Variants in RSU1 observed in about 807,000 individuals in gnomAD.
The protein encoded by RSU1 is rsu-1.
Under a neutral mutation model 31.1 loss-of-function variants are expected in RSU1, and 26 were observed. That is an observed-to-expected ratio of 0.84 (90% CI 0.61 to 1.16). The LOEUF is 1.16. Among genes scored for constraint, RSU1 ranks in the 50% most tolerant of loss-of-function variants. The pLI is 0.00. For synonymous variants in RSU1, 164 were observed against 136.3 expected (o/e 1.20, Z -1.41); for missense variants, 320 against 339.1 (o/e 0.94, Z 0.44).
chr10:16,760,010 A>G (rs1033784320), intron 4 of RSU1, among the ~76,000 whole-genome samples: 1 of 152,176 alleles, frequency 6.6e-6, no homozygotes, highest in African/African-American at 2.4e-5. Context: ...TCTTTATGCC[A>G]TTTGAGGACA....
intron 8 of RSU1, among the ~76,000 whole-genome samples, chr10:16,595,445 G>C (rs1283703552): frequency 6.6e-6 from 1 of 152,202 alleles, no homozygotes; most frequent in Non-Finnish European, 1.5e-5. Context: ...AGGGTTCAGA[G>C]CTGGCCAGAG....
At chr10:16,797,856 C>CTTCTTTTTT (rs1554775554) in intron 2 of RSU1, among the ~76,000 whole-genome samples, 2 of 103,512 alleles carry the variant, frequency 1.9e-5, no homozygotes, top group African/African-American at 3.4e-5. Flanking sequence ...GGGATTTCTT[C>CTTCTTTTTT]TTTTTTTTTT....
At chr10:16,810,447 C>A (rs545794592) in intron 2 of RSU1, among the ~76,000 whole-genome samples, 2 of 152,260 alleles carry the variant, frequency 1.3e-5, no homozygotes, top group East Asian at 3.9e-4. Context: ...CAACGAAAAT[C>A]CTGCTGCTGT....
intron 4 of RSU1, among the ~76,000 whole-genome samples, chr10:16,764,003 G>A (rs548369273): frequency 2.0e-5 from 3 of 152,156 alleles, no homozygotes; most frequent in South Asian, 2.1e-4. Context: ...ACGGCACGAA[G>A]GTGCTTTGTA....
intron 8 of RSU1, among the ~76,000 whole-genome samples, chr10:16,666,317 T>C (rs1834987196): frequency 6.6e-6 from 1 of 152,210 alleles, no homozygotes. Flanking sequence ...ACAGAATGCG[T>C]GTAGAAACAA....
At chr10:16,756,970 A>G (rs1180965656) in intron 4 of RSU1, among the ~76,000 whole-genome samples, 1 of 140,188 alleles carries the variant, frequency 7.1e-6, no homozygotes. Context: ...GGTAGGTATG[A>G]GTGTGGTGTG....
chr10:16,735,797 A>C (rs1291481792), intron 7 of RSU1, among the ~76,000 whole-genome samples: 1 of 152,192 alleles, frequency 6.6e-6, no homozygotes, highest in East Asian at 1.9e-4. Context: ...AGCATGGACT[A>C]ACAGCACCTA....
rs148270107 is a variant in RSU1 at position 16,708,814 on chromosome 10, T to C, written c.599-13659A>G. ...TTTCAATTTGGTTTTGTTTCTATTATCTTTTTTTTTTTAAGCTATCGTAAA... is the reference window on the plus strand; with the variant it reads ...TTTCAATTTGGTTTTGTTTCTATTACCTTTTTTTTTTTAAGCTATCGTAAA... On this transcript the variant is annotated intron_variant, in intron 7 of 8. Transcript: ENST00000345264. Among the ~76,000 whole-genome samples the C allele has an allele frequency of 4.1e-3, 615 of 150,782 alleles. 2 individuals carry two copies. Among genetic ancestry groups the C allele is most frequent in the Non-Finnish European group, 6.7e-3 (454 of 67,928 alleles).
intron 8 of RSU1, among the ~76,000 whole-genome samples, chr10:16,613,024 T>G (rs1218967505): frequency 6.6e-6 from 1 of 152,180 alleles, no homozygotes; most frequent in Non-Finnish European, 1.5e-5. Flanking sequence ...GGGTATTTTT[T>G]CCTTCAGTAA....
rs1388954555 is a variant in RSU1 at position 16,785,489 on chromosome 10, C to CAT, written c.110-3407_110-3406dup. Reference sequence around the variant, plus strand: ...ATATATACACATATATACATATATACATATATATATACACATATATACATA... The same window carrying CAT: ...ATATATACACATATATACATATATACATATATATATATACACATATATACATA... On this transcript the variant is annotated intron_variant, in intron 2 of 8. Transcript: ENST00000345264. Among the ~76,000 whole-genome samples the CAT allele has an allele frequency of 3.6e-3, 426 of 118,474 alleles. 4 individuals are homozygous for CAT. The highest frequency in any genetic ancestry group is 5.2e-3 in the Non-Finnish European group (329 of 63,460). 77.7% of individuals were successfully genotyped at this position (118,474 alleles called of 152,430 possible).
At chr10:16,653,007 C>T (rs866237443) in intron 8 of RSU1, among the ~76,000 whole-genome samples, 17 of 152,052 alleles carry the variant, frequency 1.1e-4, no homozygotes, top group Middle Eastern at 6.8e-3. Context: ...TCTTTCTTTA[C>T]ATAGAGAACA....
At chr10:16,704,333 G>C (rs1340438661) in intron 7 of RSU1, among the ~76,000 whole-genome samples, 1 of 152,082 alleles carries the variant, frequency 6.6e-6, no homozygotes, top group Non-Finnish European at 1.5e-5. Flanking sequence ...CAATAATCTT[G>C]CATGGAAGGC....
intron 8 of RSU1, among the ~76,000 whole-genome samples, chr10:16,629,460 T>G (rs1381847977): frequency 6.6e-6 from 1 of 152,092 alleles, no homozygotes; most frequent in Non-Finnish European, 1.5e-5. Flanking sequence ...CCTTTCTGGC[T>G]CAGGGGAGGG....
intron 8 of RSU1, among the ~76,000 whole-genome samples, chr10:16,650,590 T>C (rs527691354): frequency 2.7e-5 from 4 of 149,820 alleles, no homozygotes; most frequent in Non-Finnish European, 4.4e-5. Context: ...TTTTTTTTTT[T>C]TTTTTGTGAG....
rs374408632 is a variant in RSU1, at chr10:16,665,247, G to A, written c.731+29776C>T. Among the ~76,000 whole-genome samples, 8 of 152,000 alleles carry A rather than the reference G, an allele frequency of 5.3e-5. No individual in the cohort carries two copies. In the East Asian group the frequency reaches 5.8e-4, roughly 11 times the overall value. On this transcript the variant is annotated intron_variant, in intron 8 of 8. Coordinates refer to ENST00000345264, the MANE Select transcript of RSU1 (RefSeq NM_012425.4). ...GGCATGAGCCACCACACCTGGTCAC[G>A]TTCTAAGTGCTCTTATATGCATTAT...
rs1481915365 is a variant in RSU1, at chr10:16,752,618, A to G, written c.519T>C (p.Pro173=). Residue 173 remains proline (P), a synonymous_variant, in exon 7 of 9, where the codon CCT becomes CCC. Coordinates refer to ENST00000345264, the MANE Select transcript of RSU1 (RefSeq NM_012425.4). ...GCTGGGTAAGCTCCCCGATTTCCTT[A>G]GGCAGCGAGATCAGGTCGTTATCCC... ...SLRDNDLISL[P]KEIGELTQLK... is the part of the protein sequence containing the mutation. 2 of 1,614,128 alleles carry G rather than the reference A, an allele frequency of 1.2e-6. No homozygotes were observed. Among genetic ancestry groups the G allele is most frequent in the Admixed American group, 3.3e-5 (2 of 60,028 alleles).
At chr10:16,628,060 T>C (rs1469428414) in intron 8 of RSU1, among the ~76,000 whole-genome samples, 2 of 152,184 alleles carry the variant, frequency 1.3e-5, no homozygotes, top group African/African-American at 4.8e-5. Context: ...GAGAGAGATT[T>C]TTCCAAATAG....
chr10:16,648,872 C>T (rs1388477890), intron 8 of RSU1, among the ~76,000 whole-genome samples: 1 of 152,064 alleles, frequency 6.6e-6, no homozygotes, highest in South Asian at 2.1e-4. Flanking sequence ...AAACAGTTTA[C>T]CCAAGTCACA....
intron 7 of RSU1, among the ~76,000 whole-genome samples, chr10:16,712,311 CTT>C (rs1053152765): frequency 6.6e-6 from 1 of 152,046 alleles, no homozygotes; most frequent in African/African-American, 2.4e-5. Context: ...AAATTTGAGA[CTT>C]TAATCCATTT....
Sources: allele counts gnomAD v4.1 joint callset (sites outside exome capture counted in the v4.1 genomes callset), GRCh38; gene constraint gnomAD v4.1.1; transcripts MANE v1.5; gene names NCBI Gene and HGNC (gene_info 2026-07-23, HGNC 2026-07-21).